OTOGL: variants seen among roughly 807,000 people sequenced by gnomAD.
OTOGL encodes otogelin-like protein.
In OTOGL, 285 loss-of-function variants were observed where a neutral mutation model predicts 318.5. That is an observed-to-expected ratio of 0.89 (90% confidence interval 0.81 to 0.99). OTOGL has a LOEUF of 0.99. Ranked by LOEUF, OTOGL falls within the 50% of genes least tolerant of loss-of-function variation. The pLI is 0.00. For missense variants in OTOGL, 2,899 were observed against 2,845.6 expected (o/e 1.02, Z -0.43); for synonymous variants, 987 against 936.5 (o/e 1.05, Z -0.99).
intron 23 of OTOGL, among the ~76,000 whole-genome samples, chr12:80,271,359 T>C (rs1016374528): frequency 1.3e-5 from 2 of 152,148 alleles, no homozygotes; most frequent in African/African-American, 4.8e-5. Flanking sequence ...AGATTTAGAA[T>C]AATCGTGTGT....
chr12:80,353,608 A>C (rs1422242961), intron 46 of OTOGL, 98 bp downstream of exon 46: 2 of 960,206 alleles, frequency 2.1e-6, no homozygotes, highest in East Asian at 6.1e-5. Context: ...GGTTTATCAA[A>C]GACAGCCTCT....
intron 1 of OTOGL, chr12:80,132,372 AAT>A (rs1871293423): frequency 6.6e-6 from 1 of 152,214 alleles, no homozygotes; most frequent in Non-Finnish European, 1.5e-5. Flanking sequence ...AAAATATAAA[AAT>A]ATGTGTGGAC....
At chr12:80,216,816 T>C (rs896264059) in intron 4 of OTOGL, among the ~76,000 whole-genome samples, 23 of 152,146 alleles carry the variant, frequency 1.5e-4, no homozygotes, top group African/African-American at 5.6e-4. Flanking sequence ...TGAACTACCT[T>C]GGGCTCTATA....
intron 45 of OTOGL, among the ~76,000 whole-genome samples, chr12:80,352,925 C>CT (rs1275952049): frequency 4.6e-5 from 7 of 152,054 alleles, no homozygotes; most frequent in Admixed American, 1.3e-4. Flanking sequence ...CAACATTTTT[C>CT]TTTTTTATGA....
At chr12:80,323,267 C>A (rs1358904749) in intron 34 of OTOGL, among the ~76,000 whole-genome samples, 3 of 152,222 alleles carry the variant, frequency 2.0e-5, no homozygotes, top group Non-Finnish European at 1.5e-5. Flanking sequence ...GGTCACCAAG[C>A]AATTACAGTG....
intron 1 of OTOGL, among the ~76,000 whole-genome samples, chr12:80,144,353 A>G (rs1368053487): frequency 9.3e-5 from 14 of 150,980 alleles, no homozygotes; most frequent in Admixed American, 5.3e-4. Context: ...ATGATTTCCA[A>G]TTTCATCCAT....
intron 52 of OTOGL, among the ~76,000 whole-genome samples, chr12:80,360,468 CCT>C (rs1405509188): frequency 8.3e-6 from 1 of 120,662 alleles, no homozygotes; most frequent in Non-Finnish European, 1.7e-5. Context: ...CCCTCTCTCT[CCT>C]CTCTCTCCCT....
chr12:80,125,585 A>C (rs965443855), intron 1 of OTOGL, among the ~76,000 whole-genome samples: 10 of 152,010 alleles, frequency 6.6e-5, no homozygotes, highest in African/African-American at 2.4e-4. Context: ...CTCTTTTTCT[A>C]TTGTTTGGAA....
intron 1 of OTOGL, among the ~76,000 whole-genome samples, chr12:80,166,211 C>CT: frequency 1.3e-5 from 2 of 150,638 alleles, no homozygotes; most frequent in African/African-American, 2.4e-5. Flanking sequence ...CTCTCTCTCT[C>CT]CCTCCTTTCC....
intron 29 of OTOGL, among the ~76,000 whole-genome samples, chr12:80,308,231 G>T (rs1380168182): frequency 6.7e-6 from 1 of 149,922 alleles, no homozygotes; most frequent in Admixed American, 6.6e-5. Context: ...CTGGGTGGAG[G>T]GGCTCCTCAC....
intron 1 of OTOGL, among the ~76,000 whole-genome samples, chr12:80,205,276 T>C (rs1344873861): frequency 6.6e-6 from 1 of 152,154 alleles, no homozygotes; most frequent in East Asian, 1.9e-4. Context: ...TGCTAAAATG[T>C]TGACAAGAGA....
chr12:80,172,738 G>A (rs58455023), intron 1 of OTOGL, among the ~76,000 whole-genome samples: 8,582 of 152,104 alleles, frequency 0.056, 793 homozygotes, highest in African/African-American at 0.2. Context: ...TTGCAGGCAC[G>A]ATCTCGGCTC....
At chr12:80,118,642 A>G (rs572935597) in intron 1 of OTOGL, among the ~76,000 whole-genome samples, 10 of 152,292 alleles carry the variant, frequency 6.6e-5, no homozygotes, top group Admixed American at 3.9e-4. Flanking sequence ...TTCAAACAGC[A>G]TTTGCTTTAT....
chr12:80,141,391 G>T (rs1871934964), intron 1 of OTOGL, among the ~76,000 whole-genome samples: 1 of 152,084 alleles, frequency 6.6e-6, no homozygotes, highest in Non-Finnish European at 1.5e-5. Context: ...ATCACCAGAA[G>T]GTGACAATTT....
At chr12:80,369,269 G>T (rs567389427) in intron 55 of OTOGL, among the ~76,000 whole-genome samples, 1 of 151,942 alleles carries the variant, frequency 6.6e-6, no homozygotes, top group African/African-American at 2.4e-5. Flanking sequence ...ATCTAAGAGC[G>T]TGTAATGTAA....
At chr12:80,128,290 T>C (rs1391802449) in intron 1 of OTOGL, among the ~76,000 whole-genome samples, 1 of 152,122 alleles carries the variant, frequency 6.6e-6, no homozygotes, top group Non-Finnish European at 1.5e-5. Flanking sequence ...TCTGCTGGAG[T>C]TTGCTGGAGG....
chr12:80,239,543 T>C lies in OTOGL; in HGVS notation c.1052+104T>C, dbSNP rs1377590075. ...CATTTCAGCTGTTCACAAAATATTA[T>C]GGGAAATGTAAAATATAAACTGCAA... On this transcript the variant is annotated intron_variant, in intron 11 of 58. Transcript: ENST00000547103. 3.8e-6 allele frequency: 3 copies of C among 788,636 alleles called. No individual in the cohort carries two copies. The South Asian group carries it at 7.4e-5, about 19-fold the overall frequency. The allele number at this position is 788,636 out of a possible 1,614,324, so 48.9% of individuals were successfully genotyped here. A position where few individuals can be genotyped will look rare whatever the true frequency, so the allele number is the denominator to read the frequency against.
intron 1 of OTOGL, among the ~76,000 whole-genome samples, chr12:80,197,284 T>C (rs1876142453): frequency 6.6e-6 from 1 of 152,126 alleles, no homozygotes; most frequent in East Asian, 1.9e-4. Context: ...CCACCTTGTG[T>C]ACCTGTTCTC....
At chr12:80,123,252 C>A (rs77117574) in intron 1 of OTOGL, among the ~76,000 whole-genome samples, 3,160 of 152,006 alleles carry the variant, frequency 0.021, 48 homozygotes, top group Non-Finnish European at 0.032. Context: ...TCTCCTTGTT[C>A]AATTCCCACC....
Sources: gnomAD v4.1 joint callset for allele counts (sites outside exome capture counted in the v4.1 genomes callset) on GRCh38, gnomAD v4.1.1 for gene constraint, MANE v1.5 for transcripts, NCBI Gene and HGNC (gene_info 2026-07-23, HGNC 2026-07-21) for gene names.